The following RACGAP1 variants were observed in gnomAD, a reference collection of about 807,000 sequenced individuals.
The protein encoded by RACGAP1 is rac GTPase-activating protein 1.
RACGAP1 carries 30 observed loss-of-function variants against 78.1 expected under a neutral mutation model. The observed-to-expected ratio is 0.38, with a 90% confidence interval of 0.29 to 0.52. The LOEUF (loss-of-function observed/expected upper bound fraction) is 0.52, where lower values mean the gene tolerates loss of function less well. RACGAP1 is among the 20% of genes least tolerant of loss of function. The pLI is 0.82. For synonymous variants in RACGAP1, 231 were observed against 264.8 expected, an observed-to-expected ratio of 0.87 and a Z score of 1.24; for missense variants, 587 against 777.1, an observed-to-expected ratio of 0.76 and a Z score of 2.91.
chr12:50,027,942 C>T (rs73297484), upstream of RACGAP1, among the ~76,000 whole-genome samples: 10,769 of 152,176 alleles, frequency 0.071, 1,249 homozygotes, highest in African/African-American at 0.24. Context: ...GAGTGTGATG[C>T]TTCTTGAGTA....
intron 1 of RACGAP1, among the ~76,000 whole-genome samples, chr12:50,020,011 T>TC (rs965625211): frequency 1.3e-5 from 2 of 152,034 alleles, no homozygotes; most frequent in Admixed American, 1.3e-4. Context: ...CTAGGTGTTT[T>TC]CCCCCCTAGG....
chr12:50,021,219 A>G (rs1348215997), intron 1 of RACGAP1: 1 of 715,132 alleles, frequency 1.4e-6, no homozygotes, highest in African/African-American at 2.0e-5. Flanking sequence ...ATTGTAGTAC[A>G]TTGCTTTTGC....
chr12:50,022,786 T>A (rs959534813), intron 1 of RACGAP1, among the ~76,000 whole-genome samples: 33 of 152,210 alleles, frequency 2.2e-4, no homozygotes, highest in African/African-American at 8.0e-4. Flanking sequence ...GATGAACAAC[T>A]ATTTAACTAT....
Position 49,991,477 on chromosome 12 carries a change from A to AT in RACGAP1, c.1714+520dup, listed in dbSNP as rs1476614641. ...AACTATTATATATATATATATATAT[A>AT]TATTTTTTTTTTTTTTTTTTTTTTT... On this transcript the variant is annotated intron_variant, in intron 15 of 16. Coordinates refer to ENST00000312377, the MANE Select transcript of RACGAP1 (RefSeq NM_001319999.2). Among the ~76,000 whole-genome samples the AT allele has an allele frequency of 4.0e-3, 147 of 36,950 alleles. 4 individuals are homozygous for AT. Among genetic ancestry groups the AT allele is most frequent in the African/African-American group, 0.012 (136 of 11,662 alleles). The allele number at this position is 36,950 out of a possible 152,430, so 24.2% of individuals were successfully genotyped here.
intron 9 of RACGAP1, 133 bp downstream of exon 9, chr12:49,999,008 T>C: frequency 8.8e-7 from 1 of 1,130,718 alleles, no homozygotes; most frequent in Non-Finnish European, 1.2e-6. Context: ...TAGTTACTTC[T>C]GGAGAGTAAA....
At chr12:50,001,966 G>A (rs1022543313) in intron 6 of RACGAP1, among the ~76,000 whole-genome samples, 4 of 151,558 alleles carry the variant, frequency 2.6e-5, no homozygotes, top group African/African-American at 9.7e-5. Context: ...TTGGGAGGCC[G>A]ACGCAGGAGA....
chr12:50,004,189 A>C, intron 5 of RACGAP1, 46 bp downstream of exon 5: 7 of 1,579,192 alleles, frequency 4.4e-6, no homozygotes, highest in Non-Finnish European at 6.1e-6. Flanking sequence ...CTGGGGAAGC[A>C]GAGGTAAGAA....
intron 1 of RACGAP1, among the ~76,000 whole-genome samples, chr12:50,021,808 C>CT (rs1950023555): frequency 6.6e-6 from 1 of 152,126 alleles, no homozygotes; most frequent in Non-Finnish European, 1.5e-5. Context: ...TCAAGGAAAA[C>CT]CATTCTCAAA....
intron 1 of RACGAP1, among the ~76,000 whole-genome samples, chr12:50,022,506 C>T (rs1950061864): frequency 6.6e-6 from 1 of 152,032 alleles, no homozygotes; most frequent in Non-Finnish European, 1.5e-5. Context: ...CGCTTGAACC[C>T]GAGAGGCAGA....
chr12:49,990,110 A>G lies in RACGAP1; in HGVS notation c.*158T>C. On this transcript the variant is annotated 3_prime_UTR_variant, in exon 17 of 17. Coordinates refer to ENST00000312377, the MANE Select transcript of RACGAP1 (RefSeq NM_001319999.2). ...GACTTGAGGAGAAGGAAGGGGAGAT[A>G]TATATAGTTTTAATAAAACCCTCAT... The G allele has an allele frequency of 1.8e-6, 1 of 542,804 alleles. No individual in the cohort carries two copies. Among genetic ancestry groups the G allele is most frequent in the South Asian group, 3.1e-5 (1 of 31,868 alleles). 33.6% of individuals were successfully genotyped at this position (542,804 alleles called of 1,614,324 possible). A position where few individuals can be genotyped will look rare whatever the true frequency, so the allele number is the denominator to read the frequency against.
intron 7 of RACGAP1, among the ~76,000 whole-genome samples, 192 bp downstream of exon 7, chr12:50,000,980 G>A (rs1478364577): frequency 6.6e-6 from 1 of 152,260 alleles, no homozygotes; most frequent in Non-Finnish European, 1.5e-5. Context: ...CCTGGAAGGT[G>A]GAGGTTACAG....
intron 1 of RACGAP1, among the ~76,000 whole-genome samples, chr12:50,022,881 A>AT (rs908096594): frequency 1.3e-4 from 20 of 152,262 alleles, no homozygotes; most frequent in African/African-American, 4.8e-4. Flanking sequence ...CTCACCTCAA[A>AT]TATCTTTACT....
At chr12:50,028,972 C>G (rs140981305), upstream of RACGAP1, among the ~76,000 whole-genome samples, 27 of 152,152 alleles carry the variant, frequency 1.8e-4, 1 homozygote, top group East Asian at 4.8e-3. Flanking sequence ...ATTCCCAGCA[C>G]TTTGGGAGGC....
At position 49,990,329 on chromosome 12, in the gene RACGAP1, C is replaced by T. The variant is rs1240731897; in HGVS notation, c.1838G>A (p.Ser613Asn). Residue 613 changes from serine (S) to asparagine (N), a missense_variant, in exon 17 of 17, where the codon AGC (serine) becomes AAC (asparagine). By Grantham distance (46) the Ser-to-Asn change is conservative. Transcript: ENST00000312377. Reference sequence around the variant, plus strand: ...TCGTCCTAGGTTAGTGGCAGACTTGCTTTTGCTCCCAAATCTACAATAAAA... The same window carrying T: ...TCGTCCTAGGTTAGTGGCAGACTTGTTTTTGCTCCCAAATCTACAATAAAA... ...TKNTPRFGSK[S>N]KSATNLGRQG... is the part of the protein sequence containing the mutation. 6.2e-7 allele frequency: 1 copy of T among 1,613,384 alleles called. No individual in the cohort carries two copies. The highest frequency in any genetic ancestry group is 8.5e-7 in the Non-Finnish European group (1 of 1,179,380).
intron 6 of RACGAP1, among the ~76,000 whole-genome samples, chr12:50,001,804 G>A (rs542970306): frequency 4.1e-4 from 63 of 152,248 alleles, no homozygotes; most frequent in African/African-American, 1.3e-3. Context: ...AGTGGCTCAC[G>A]CCTGTAATCC....
intron 1 of RACGAP1, chr12:50,019,727 A>AAATAAATAAATAAAT: frequency 7.8e-5 from 2 of 25,608 alleles, no homozygotes; most frequent in Middle Eastern, 0.018. Context: ...AATAAATAAA[A>AAATAAATAAATAAAT]AGGTCCTGGG....
intron 1 of RACGAP1, among the ~76,000 whole-genome samples, chr12:50,022,616 T>A (rs1476419074): frequency 6.6e-6 from 1 of 151,862 alleles, no homozygotes; most frequent in Non-Finnish European, 1.5e-5. Flanking sequence ...AAACAAAAAA[T>A]TAATAGCAAA....
chr12:50,021,408 G>C (rs908461518), intron 1 of RACGAP1, among the ~76,000 whole-genome samples: 1 of 152,192 alleles, frequency 6.6e-6, no homozygotes, highest in Non-Finnish European at 1.5e-5. Flanking sequence ...GTATGTTACA[G>C]ATTCCCAATC....
At chr12:49,996,919 A>G in intron 10 of RACGAP1, 121 bp downstream of exon 10, 1 of 1,349,008 alleles carries the variant, frequency 7.4e-7, no homozygotes, top group Non-Finnish European at 9.6e-7. Flanking sequence ...TTACAATTCT[A>G]GTCATTATTT....
Sources: gnomAD v4.1 joint callset for allele counts (sites outside exome capture counted in the v4.1 genomes callset) on GRCh38, gnomAD v4.1.1 for gene constraint, MANE v1.5 for transcripts, NCBI Gene and HGNC (gene_info 2026-07-23, HGNC 2026-07-21) for gene names.